Variants in TMEM132B observed in about 807,000 individuals in gnomAD.
TMEM132B encodes the protein transmembrane protein 132B.
TMEM132B carries 18 observed loss-of-function variants against 90.8 expected under a neutral mutation model. That is an observed-to-expected ratio of 0.20 (90% CI 0.14 to 0.29). The LOEUF (loss-of-function observed/expected upper bound fraction) is 0.29. Ranked by LOEUF, TMEM132B falls within the 10% of genes least tolerant of loss-of-function variation. The probability of loss-of-function intolerance (pLI) is 1.00; values close to 1 mark genes in which losing one functional copy is unlikely to be tolerated. For missense variants in TMEM132B, 1,096 were observed against 1,326.8 expected (o/e 0.83, Z 2.70); for synonymous variants, 504 against 523.3 (o/e 0.96, Z 0.50).
In TMEM132B at chr12:125,201,437, G is replaced by A. The variant is rs976609598; in HGVS notation, c.67+14571G>A. 5.9e-5 allele frequency among the ~76,000 whole-genome samples: 9 copies of A among 152,120 alleles called. No individual in the cohort carries two copies. The East Asian group carries it at 7.7e-4, about 13-fold the overall frequency. On this transcript the variant is annotated intron_variant, in intron 1 of 8. Transcript: ENST00000682704. ...CCTCTTACTCCCTTTCTTTCTTCAC[G>A]AAAGATTTAAATAAGTGTTTGGGTG...
chr12:125,300,489 C>T (rs565890009), intron 1 of TMEM132B, among the ~76,000 whole-genome samples: 2 of 152,168 alleles, frequency 1.3e-5, no homozygotes, highest in African/African-American at 2.4e-5. Flanking sequence ...ACCTATCTGC[C>T]TACATCCAGA....
chr12:125,352,115 G>C (rs1021885014), intron 2 of TMEM132B, among the ~76,000 whole-genome samples: 1 of 152,190 alleles, frequency 6.6e-6, no homozygotes, highest in Non-Finnish European at 1.5e-5. Context: ...TAGACTGTGA[G>C]GTTCAAGTGC....
chr12:125,248,798 T>C (rs1361268736), intron 1 of TMEM132B, among the ~76,000 whole-genome samples: 1 of 152,126 alleles, frequency 6.6e-6, no homozygotes, highest in Non-Finnish European at 1.5e-5. Context: ...TGCACCACAG[T>C]TCCCCTTCTC....
At chr12:125,409,591 GGAGT>G in intron 2 of TMEM132B, among the ~76,000 whole-genome samples, 2 of 131,874 alleles carry the variant, frequency 1.5e-5, no homozygotes, top group African/African-American at 3.2e-5. Context: ...GGAGTGGAGT[GGAGT>G]GGAGGAGTGG....
chr12:125,495,075 T>C (rs1190519244), intron 3 of TMEM132B, among the ~76,000 whole-genome samples: 5 of 51,910 alleles, frequency 9.6e-5, no homozygotes, highest in Non-Finnish European at 1.8e-4. Flanking sequence ...GCGTCCCTCC[T>C]CCCCCTCCTC....
At chr12:125,304,672 A>G (rs144302144) in intron 1 of TMEM132B, among the ~76,000 whole-genome samples, 30 of 152,134 alleles carry the variant, frequency 2.0e-4, no homozygotes, top group African/African-American at 6.7e-4. Context: ...GTGTTTAAAA[A>G]TTTTCTTCTT....
At chr12:125,504,618 C>A (rs1037085129) in intron 3 of TMEM132B, among the ~76,000 whole-genome samples, 3 of 152,150 alleles carry the variant, frequency 2.0e-5, no homozygotes, top group African/African-American at 7.2e-5. Flanking sequence ...GGTGGAGGAA[C>A]TGCTACAATG....
intron 5 of TMEM132B, among the ~76,000 whole-genome samples, chr12:125,641,509 G>A (rs1262732365): frequency 6.6e-6 from 1 of 152,046 alleles, no homozygotes; most frequent in Non-Finnish European, 1.5e-5. Flanking sequence ...TTAAAATGGA[G>A]GCATACACTT....
At chr12:125,551,240 A>G (rs972248821) in intron 4 of TMEM132B, among the ~76,000 whole-genome samples, 1 of 152,274 alleles carries the variant, frequency 6.6e-6, no homozygotes, top group Admixed American at 6.5e-5. Flanking sequence ...CAATCCTGTT[A>G]GGAGCCTTAA....
intron 1 of TMEM132B, among the ~76,000 whole-genome samples, chr12:125,278,477 C>T (rs925863998): frequency 6.4e-5 from 9 of 141,520 alleles, no homozygotes; most frequent in African/African-American, 1.6e-4. Flanking sequence ...GAATCTCCAT[C>T]TTTTTTTTTT....
chr12:125,607,927 G>A (rs1201938460), intron 5 of TMEM132B, among the ~76,000 whole-genome samples: 1 of 152,174 alleles, frequency 6.6e-6, no homozygotes, highest in Non-Finnish European at 1.5e-5. Context: ...ACAGTAGCAA[G>A]TATCAGTTTA....
intron 3 of TMEM132B, among the ~76,000 whole-genome samples, chr12:125,515,875 CAT>C (rs1199555585): frequency 1.3e-5 from 2 of 150,576 alleles, no homozygotes; most frequent in African/African-American, 2.5e-5. Context: ...CACACACACT[CAT>C]AGACATTCTC....
intron 2 of TMEM132B, among the ~76,000 whole-genome samples, chr12:125,377,794 C>G (rs1566017630): frequency 6.6e-6 from 1 of 152,184 alleles, no homozygotes; most frequent in African/African-American, 2.4e-5. Flanking sequence ...GCCTGCAACT[C>G]TGGCTGCTTG....
chr12:125,445,512 T>C lies in TMEM132B; in HGVS notation c.1106+29835T>C, dbSNP rs1444968782. ...GTCAGCAGAGGACACTGGAGGAACA[T>C]GGTAGGAGGAGGGATCTGCATCTGG... On this transcript the variant is annotated intron_variant, in intron 3 of 8. Transcript: ENST00000682704. The surrounding 1 kb of genome is among the most constrained non-coding windows in gnomAD (Gnocchi z 4.3). Among the ~76,000 whole-genome samples, 2 of 152,168 alleles carry C rather than the reference T, an allele frequency of 1.3e-5. No individual in the cohort carries two copies. Among genetic ancestry groups the C allele is most frequent in the Admixed American group, 6.5e-5 (1 of 15,276 alleles).
intron 2 of TMEM132B, among the ~76,000 whole-genome samples, chr12:125,370,790 G>T (rs1878271200): frequency 6.6e-6 from 1 of 152,228 alleles, no homozygotes; most frequent in Admixed American, 6.5e-5. Flanking sequence ...CATGTGAGTT[G>T]ATGGAAACAG....
intron 1 of TMEM132B, among the ~76,000 whole-genome samples, chr12:125,312,525 C>T (rs150238330): frequency 1.8e-4 from 27 of 152,310 alleles, no homozygotes; most frequent in African/African-American, 6.3e-4. Context: ...TCTGAGGACC[C>T]TTGGGTAGAT....
intron 2 of TMEM132B, among the ~76,000 whole-genome samples, chr12:125,412,321 C>G (rs1036937832): frequency 6.6e-6 from 1 of 152,170 alleles, no homozygotes; most frequent in Non-Finnish European, 1.5e-5. Flanking sequence ...ATCTCTAAGA[C>G]TGAAGGGAGA....
chr12:125,285,160 A>G (rs1302671939), intron 1 of TMEM132B, among the ~76,000 whole-genome samples: 5 of 152,166 alleles, frequency 3.3e-5, no homozygotes, highest in Non-Finnish European at 5.9e-5. Flanking sequence ...CTCTGACCCA[A>G]TCGTTTTGGC....
chr12:125,575,083 T>TATATATATATA (rs61155232), intron 4 of TMEM132B, among the ~76,000 whole-genome samples: 77 of 114,516 alleles, frequency 6.7e-4, no homozygotes, highest in Non-Finnish European at 9.8e-4. Context: ...TATATATATA[T>TATATATATATA]TCAGGAGTAG....
Sources: gnomAD v4.1 joint callset for allele counts (sites outside exome capture counted in the v4.1 genomes callset) on GRCh38, gnomAD v4.1.1 for gene constraint, Gnocchi (gnomAD v3.1) non-coding constraint, MANE v1.5 for transcripts, NCBI Gene and HGNC (gene_info 2026-07-23, HGNC 2026-07-21) for gene names.